PCID2: variants seen among roughly 807,000 people sequenced by gnomAD.
PCID2 encodes PCI domain-containing protein 2.
PCID2 carries 41 observed loss-of-function variants against 61.3 expected under a neutral mutation model. The observed-to-expected ratio is 0.67, with a 90% CI of 0.52 to 0.87. PCID2 has a LOEUF of 0.87. PCID2 is among the 40% of genes least tolerant of loss of function. The probability of loss-of-function intolerance (pLI) is 0.00; values close to 1 mark genes in which losing one functional copy is unlikely to be tolerated. For missense variants in PCID2, 392 were observed against 493.4 expected (o/e 0.79, Z 1.95); for synonymous variants, 187 against 177.8 (o/e 1.05, Z -0.41).
At chr13:113,196,107 T>C in intron 5 of PCID2, 74 bp downstream of exon 5, 2 of 1,113,506 alleles carry the variant, frequency 1.8e-6, no homozygotes, top group Non-Finnish European at 2.8e-6. Context: ...CACATTTATT[T>C]AAAGCAAATT....
At chr13:113,168,044 C>T in the PCID2 span, among the ~76,000 whole-genome samples, 1 of 152,222 alleles carries the variant, frequency 6.6e-6, no homozygotes, top group South Asian at 2.1e-4. Context: ...TGAGTCCTTA[C>T]AGCAATCATG....
chr13:113,183,855 C>T, intron 9 of PCID2: 1 of 985,416 alleles, frequency 1.0e-6, no homozygotes, highest in Non-Finnish European at 1.2e-6. Flanking sequence ...TAAACAGGAG[C>T]TCTGTGGTAG....
chr13:113,170,177 G>A, the PCID2 span, among the ~76,000 whole-genome samples: 2 of 152,174 alleles, frequency 1.3e-5, no homozygotes, highest in African/African-American at 4.8e-5. Context: ...TGGGCCGAAA[G>A]GGGAAGTGCC....
In PCID2 at chr13:113,195,562, A is replaced by C. The variant is rs554994432; in HGVS notation, c.309-437T>G. Among the ~76,000 whole-genome samples the C allele has an allele frequency of 5.3e-5, 8 of 152,286 alleles. No homozygotes were observed. In the East Asian group the frequency reaches 1.5e-3, roughly 29 times the overall value. ...CAAAACTGGACTGTTTTCATGTGCA[A>C]GTTTTCACGTTAAAAGATAAAAGGG... On this transcript the variant is annotated intron_variant, in intron 5 of 13. Coordinates refer to ENST00000337344, the MANE Select transcript of PCID2 (RefSeq NM_001127202.4).
At chr13:113,198,490 C>T (rs534155125) in intron 2 of PCID2, among the ~76,000 whole-genome samples, 2 of 152,164 alleles carry the variant, frequency 1.3e-5, no homozygotes, top group East Asian at 3.9e-4. Context: ...TCACTTGAGG[C>T]TAGAAGTTCA....
the PCID2 span, chr13:113,170,504 T>C: frequency 3.8e-6 from 6 of 1,592,362 alleles, no homozygotes; most frequent in South Asian, 2.2e-5. Flanking sequence ...TGTTCACTGT[T>C]ACACAGGAAT....
chr13:113,181,055 G>T, intron 10 of PCID2, 75 bp downstream of exon 10: 1 of 978,974 alleles, frequency 1.0e-6, no homozygotes, highest in Non-Finnish European at 1.7e-6. Flanking sequence ...TGTCTGCTAG[G>T]TTTTAAAAAA....
At chr13:113,194,877 G>C (rs1345338318) in intron 6 of PCID2, among the ~76,000 whole-genome samples, 194 bp downstream of exon 6, 1 of 152,154 alleles carries the variant, frequency 6.6e-6, no homozygotes. Context: ...GTGGAAATCT[G>C]AGCAAATGTT....
At position 113,180,242 on chromosome 13, in the gene PCID2, A is replaced by G. The variant is rs758514831; in HGVS notation, c.787-11T>C. 1 of 1,593,872 alleles carries G rather than the reference A, an allele frequency of 6.3e-7. No individual in the cohort carries two copies. The highest frequency in any genetic ancestry group is 8.6e-7 in the Non-Finnish European group (1 of 1,161,880). On this transcript the variant is annotated splice_polypyrimidine_tract_variant and intron_variant, in intron 10 of 13. Transcript: ENST00000337344. The stretch of plus-strand genomic sequence containing the variant: ...AGTGGGCATGTGACCCTAAGAGTCA[A>G]TTTTCCAGAATGAAAATGCTTTCAT...
At chr13:113,194,176 C>A (rs1272953382) in intron 6 of PCID2, among the ~76,000 whole-genome samples, 1 of 152,194 alleles carries the variant, frequency 6.6e-6, no homozygotes, top group Non-Finnish European at 1.5e-5. Flanking sequence ...GGGCCACCCC[C>A]AGTCCGCACC....
chr13:113,195,904 A>T (rs1158411816), intron 5 of PCID2, among the ~76,000 whole-genome samples: 3 of 152,232 alleles, frequency 2.0e-5, no homozygotes, highest in Admixed American at 6.5e-5. Flanking sequence ...CTGAAGGAAA[A>T]AACAGTATTT....
downstream of PCID2, among the ~76,000 whole-genome samples, chr13:113,175,057 T>C (rs1217640691): frequency 1.3e-5 from 2 of 152,176 alleles, no homozygotes; most frequent in East Asian, 3.8e-4. Flanking sequence ...AGCTGATGGT[T>C]TTAAAAGTGG....
intron 1 of PCID2, 130 bp from the exon 2 acceptor site, chr13:113,200,646 C>A (rs2039352925): frequency 7.5e-6 from 4 of 536,172 alleles, no homozygotes; most frequent in Admixed American, 3.1e-5. Context: ...ACAGAACAAT[C>A]AAAATGTAAC....
chr13:113,176,538 A>AATTGCCCCGACAGAACTGG, downstream of PCID2, among the ~76,000 whole-genome samples: 5 of 50,746 alleles, frequency 9.9e-5, no homozygotes, highest in Admixed American at 1.8e-4. Flanking sequence ...GAGGTGGGGG[A>AATTGCCCCGACAGAACTGG]ATTGCTTTAG....
chr13:113,197,547 C>T (rs2039108550), intron 3 of PCID2, among the ~76,000 whole-genome samples: 1 of 152,236 alleles, frequency 6.6e-6, no homozygotes, highest in Admixed American at 6.5e-5. Context: ...AAACTAGATT[C>T]CCAGCTGGGT....
In PCID2 at chr13:113,190,865, T is replaced by C. The variant is rs752108393; in HGVS notation, c.467+7A>G. ...GTCTGGTGGTCGGTCCTCAAGTCCTTACTCACGTGTCGCTGGCACAGACCC... is the reference window on the plus strand; with the variant it reads ...GTCTGGTGGTCGGTCCTCAAGTCCTCACTCACGTGTCGCTGGCACAGACCC... On this transcript the variant is annotated splice_region_variant and intron_variant, in intron 7 of 13. Coordinates refer to ENST00000337344, the MANE Select transcript of PCID2 (RefSeq NM_001127202.4). 5.7e-6 allele frequency: 9 copies of C among 1,589,250 alleles called. No homozygotes were observed. Among genetic ancestry groups the C allele is most frequent in the South Asian group, 2.2e-5 (2 of 89,844 alleles).
intron 10 of PCID2, 50 bp from the exon 11 acceptor site, chr13:113,180,281 G>A (rs781204106): frequency 7.2e-7 from 1 of 1,380,996 alleles, no homozygotes; most frequent in Non-Finnish European, 1.0e-6. Context: ...TGACAAAATT[G>A]TCCTTGATAA....
chr13:113,195,353 C>T (rs945326280), intron 5 of PCID2, among the ~76,000 whole-genome samples: 2 of 152,230 alleles, frequency 1.3e-5, no homozygotes, highest in Non-Finnish European at 2.9e-5. Flanking sequence ...ACCCCTGTCC[C>T]CAACCCTGTC....
chr13:113,198,804 T>G (rs1169472354), intron 2 of PCID2, among the ~76,000 whole-genome samples: 6 of 152,290 alleles, frequency 3.9e-5, no homozygotes, highest in Non-Finnish European at 8.8e-5. Context: ...TCTCGCCTTC[T>G]GCAAGTCAGA....
Sources: allele counts gnomAD v4.1 joint callset (sites outside exome capture counted in the v4.1 genomes callset), GRCh38; gene constraint gnomAD v4.1.1; transcripts MANE v1.5; gene names NCBI Gene and HGNC (gene_info 2026-07-23, HGNC 2026-07-21).